SLK: variants seen among roughly 807,000 people sequenced by gnomAD.
The protein encoded by SLK is STE20 like kinase, also known as STE20-like serine/threonine-protein kinase.
In SLK, 67 loss-of-function variants were observed where a neutral mutation model predicts 147.7. The observed-to-expected ratio is 0.45, with a 90% CI of 0.37 to 0.56. The LOEUF (loss-of-function observed/expected upper bound fraction) is 0.56. Among genes scored for constraint, SLK ranks in the 20% least tolerant of loss-of-function variants. The pLI is 0.00. For synonymous variants in SLK, 441 were observed against 475.0 expected (o/e 0.93, Z 0.93); for missense variants, 1,136 against 1,438.8 (o/e 0.79, Z 3.41).
chr10:103,976,631 T>C (rs1843875204), intron 1 of SLK, among the ~76,000 whole-genome samples: 1 of 152,064 alleles, frequency 6.6e-6, no homozygotes, highest in South Asian at 2.1e-4. Context: ...TACCACAAAA[T>C]TCACCCATAT....
At position 104,019,826 on chromosome 10, in the gene SLK, G is replaced by A. The variant is rs1054091201; in HGVS notation, c.3225G>A (p.Gln1075=). ...TQERARLPKI[Q]RSEAKTRMAM... The stretch of plus-strand genomic sequence containing the variant: ...AAAGAGCAAGACTGCCCAAGATTCA[G>A]CGCAGTGAAGCCAAGACTCGAATGG... Residue 1075 remains glutamine (Q), a synonymous_variant, in exon 16 of 19, where the codon CAG becomes CAA. Coordinates refer to ENST00000369755, the MANE Select transcript of SLK (RefSeq NM_014720.4). 6 of 1,613,990 alleles carry A rather than the reference G, an allele frequency of 3.7e-6. No homozygotes were observed. Among genetic ancestry groups the A allele is most frequent in the Non-Finnish European group, 5.1e-6 (6 of 1,179,852 alleles).
intron 1 of SLK, among the ~76,000 whole-genome samples, chr10:103,981,124 T>A (rs1245274300): frequency 6.6e-6 from 1 of 152,162 alleles, no homozygotes; most frequent in Admixed American, 6.5e-5. Context: ...TTTGTATATC[T>A]TCCTGGGAGA....
At chr10:103,972,302 A>G (rs941206040) in intron 1 of SLK, among the ~76,000 whole-genome samples, 1 of 152,242 alleles carries the variant, frequency 6.6e-6, no homozygotes, top group African/African-American at 2.4e-5. Context: ...GCTAGGTTAT[A>G]GGGTAGTGTA....
intron 1 of SLK, among the ~76,000 whole-genome samples, chr10:103,983,436 G>A (rs967587213): frequency 3.3e-5 from 5 of 152,176 alleles, no homozygotes; most frequent in African/African-American, 1.2e-4. Flanking sequence ...GGTTTTGAAG[G>A]ATTATGCCAG....
chr10:103,992,625 G>A lies in SLK; in HGVS notation c.343G>A (p.Ala115Thr). 8.8e-7 allele frequency: 1 copy of A among 1,139,570 alleles called. No individual in the cohort carries two copies. The highest frequency in any genetic ancestry group is 1.1e-6 in the Non-Finnish European group (1 of 881,272). The allele number at this position is 1,139,570 out of a possible 1,614,324, so 70.6% of individuals were successfully genotyped here. The change falls in exon 3 of 19, where the codon GCA becomes ACA. Residue 115 changes from alanine to threonine, a missense_variant. By Grantham distance (58) the Ala-to-Thr change is moderately conservative. Around this residue, in one of 6 missense-constraint regions of SLK, gnomAD observed 126 missense variants for 141.3 expected, o/e 0.89. Transcript: ENST00000369755. ...CCTCATTGAATTTTGTGCAGGTGGA[G>A]CAGTAGATGCTGTGATGCTTGGTAA... Reference protein sequence around the residue: ...WILIEFCAGGAVDAVMLELER... With the variant: ...WILIEFCAGGTVDAVMLELER...
In SLK at chr10:104,018,194, T is replaced by C. The variant is rs1844488321; in HGVS notation, c.2912T>C (p.Leu971Ser). The change falls in exon 14 of 19, where the codon TTA becomes TCA. Residue 971 changes from leucine to serine, a missense_variant. Around this residue, in one of 6 missense-constraint regions of SLK, gnomAD observed 327 missense variants for 457.5 expected, o/e 0.71. Coordinates refer to ENST00000369755, the MANE Select transcript of SLK (RefSeq NM_014720.4). ...QEFVQKQQQE[L>S]DGSLKKIIQQ... ...TTTGTTCAGAAACAACAGCAAGAAT[T>C]AGATGGCTCTCTGAAAAAGATCATC... 1 of 1,606,772 alleles carries C rather than the reference T, an allele frequency of 6.2e-7. No individual in the cohort carries two copies. The highest frequency in any genetic ancestry group is 8.5e-7 in the Non-Finnish European group (1 of 1,177,958).
chr10:103,977,414 C>T (rs1843885645), intron 1 of SLK, among the ~76,000 whole-genome samples: 1 of 152,120 alleles, frequency 6.6e-6, no homozygotes, highest in Non-Finnish European at 1.5e-5. Flanking sequence ...AATTCAAGAA[C>T]AGCCTGGGCA....
At position 104,019,826 on chromosome 10, in the gene SLK, G is replaced by C. The variant is rs1054091201; in HGVS notation, c.3225G>C (p.Gln1075His). The C allele has an allele frequency of 1.2e-6, 2 of 1,613,872 alleles. No homozygotes were observed. Among genetic ancestry groups the C allele is most frequent in the Non-Finnish European group, 1.7e-6 (2 of 1,179,860 alleles). The change falls in exon 16 of 19, where the codon CAG (glutamine) becomes CAC (histidine). Residue 1075 changes from glutamine to histidine, a missense_variant. By Grantham distance (24) the Gln-to-His change is conservative. Transcript: ENST00000369755. ...TQERARLPKI[Q>H]RSEAKTRMAM... ...AAAGAGCAAGACTGCCCAAGATTCAGCGCAGTGAAGCCAAGACTCGAATGG... is the reference window on the plus strand; with the variant it reads ...AAAGAGCAAGACTGCCCAAGATTCACCGCAGTGAAGCCAAGACTCGAATGG...
intron 1 of SLK, among the ~76,000 whole-genome samples, chr10:103,981,716 AC>A (rs1843945716): frequency 6.6e-6 from 1 of 151,340 alleles, no homozygotes; most frequent in Non-Finnish European, 1.5e-5. Context: ...TCAGGACTGC[AC>A]TGTTTTGATT....
At chr10:104,017,779 A>G (rs1480777046) in intron 13 of SLK, among the ~76,000 whole-genome samples, 1 of 152,108 alleles carries the variant, frequency 6.6e-6, no homozygotes, top group African/African-American at 2.4e-5. Context: ...CACACCCGAC[A>G]CTTAAAGGGC....
chr10:103,992,488 T>C, intron 2 of SLK, 110 bp from the exon 3 acceptor site: 2 of 965,854 alleles, frequency 2.1e-6, no homozygotes, highest in Non-Finnish European at 3.0e-6. Flanking sequence ...ATAACCAGAT[T>C]ATTTGATAGC....
chr10:103,969,061 C>T (rs1257768851), intron 1 of SLK, among the ~76,000 whole-genome samples: 1 of 152,084 alleles, frequency 6.6e-6, no homozygotes, highest in African/African-American at 2.4e-5. Context: ...CTCCCCCTCC[C>T]GGGTTCAAGC....
At chr10:104,001,783 A>G (rs891013980) in intron 8 of SLK, among the ~76,000 whole-genome samples, 2 of 152,096 alleles carry the variant, frequency 1.3e-5, no homozygotes, top group Admixed American at 1.3e-4. Context: ...GTTGGAGTGC[A>G]GTGGTCACTA....
At chr10:104,016,134 C>A (rs1182189828) in intron 13 of SLK, among the ~76,000 whole-genome samples, 1 of 151,954 alleles carries the variant, frequency 6.6e-6, no homozygotes, top group African/African-American at 2.4e-5. Flanking sequence ...CTGGCTACCA[C>A]GGTGAAACCC....
chr10:104,025,555 T>G lies in SLK; in HGVS notation c.3562-19T>G. ...ATAATACCAGCACATAGCAATTTCT[T>G]TTTCCCTTTCTTTTTAAGACACTGG... On this transcript the variant is annotated intron_variant, in intron 18 of 18. Coordinates refer to ENST00000369755, the MANE Select transcript of SLK (RefSeq NM_014720.4). 6.2e-7 allele frequency: 1 copy of G among 1,611,870 alleles called. No homozygotes were observed. Among genetic ancestry groups the G allele is most frequent in the Non-Finnish European group, 8.5e-7 (1 of 1,178,750 alleles).
chr10:104,002,284 G>A lies in SLK; in HGVS notation c.1106G>A (p.Arg369His), dbSNP rs751988215. 47 of 1,613,548 alleles carry A rather than the reference G, an allele frequency of 2.9e-5. No homozygotes were observed. Among genetic ancestry groups the A allele is most frequent in the East Asian group, 8.9e-5 (4 of 44,870 alleles). ...GAGTCTGTCTCAGAAAAAACAGAAC[G>A]TAGTAACTCTGAAGATAAACTCAAC... ...ILESVSEKTE[R>H]SNSEDKLNSK... The change falls in exon 9 of 19, where the codon CGT becomes CAT. Residue 369 changes from arginine (R) to histidine (H), a missense_variant. Around this residue, in one of 6 missense-constraint regions of SLK, gnomAD observed 516 missense variants for 531.3 expected, o/e 0.97. Coordinates refer to ENST00000369755, the MANE Select transcript of SLK (RefSeq NM_014720.4).
chr10:103,999,987 T>TGCAGGTAAGAGAGTATGAC, intron 7 of SLK, 39 bp downstream of exon 7: 1 of 855,854 alleles, frequency 1.2e-6, no homozygotes, highest in Non-Finnish European at 1.8e-6. Context: ...ATAATTATTT[T>TGCAGGTAAGAGAGTATGAC]AACATCTAAG....
chr10:104,024,176 C>CT (rs1554845563), intron 18 of SLK, among the ~76,000 whole-genome samples: 2 of 152,198 alleles, frequency 1.3e-5, no homozygotes, highest in Non-Finnish European at 1.5e-5. Flanking sequence ...AATTTGGACT[C>CT]TTTTTCATAA....
intron 1 of SLK, among the ~76,000 whole-genome samples, chr10:103,981,102 G>A (rs1843935613): frequency 6.6e-6 from 1 of 151,912 alleles, no homozygotes; most frequent in Non-Finnish European, 1.5e-5. Flanking sequence ...CTTTTCATGT[G>A]CTTATTGGCC....
Sources: allele counts gnomAD v4.1 joint callset (sites outside exome capture counted in the v4.1 genomes callset), GRCh38; gene constraint gnomAD v4.1.1; regional missense constraint gnomAD v4.1.1; transcripts MANE v1.5; gene names NCBI Gene and HGNC (gene_info 2026-07-23, HGNC 2026-07-21).